MICU3: variants seen among roughly 807,000 people sequenced by gnomAD.
MICU3 encodes the protein mitochondrial calcium uptake 3.
Under a neutral mutation model 66.5 loss-of-function variants are expected in MICU3, and 62 were observed. The ratio of observed to expected loss-of-function variants is 0.93; its 90% confidence interval spans 0.76 to 1.15. The LOEUF (loss-of-function observed/expected upper bound fraction) is 1.15, where lower values mean the gene tolerates loss of function less well. Among genes scored for constraint, MICU3 ranks in the 50% most tolerant of loss-of-function variants. The pLI, the probability that MICU3 is intolerant of heterozygous loss-of-function variation, is 0.00. For missense variants in MICU3, 779 were observed against 664.4 expected (o/e 1.17, Z -1.90); for synonymous variants, 308 against 240.7 (o/e 1.28, Z -2.59).
the MICU3 span, among the ~76,000 whole-genome samples, chr8:17,128,259 C>T: frequency 1.2e-4 from 18 of 151,066 alleles, no homozygotes; most frequent in Non-Finnish European, 1.5e-4. Flanking sequence ...CACACACACA[C>T]ACACACACAC....
chr8:17,049,833 C>G (rs1815758745), intron 1 of MICU3, among the ~76,000 whole-genome samples: 1 of 152,176 alleles, frequency 6.6e-6, no homozygotes, highest in Non-Finnish European at 1.5e-5. Context: ...AAAAATAATA[C>G]TCCATTCCAA....
At chr8:17,081,440 G>A (rs543075344) in intron 4 of MICU3, among the ~76,000 whole-genome samples, 7 of 152,048 alleles carry the variant, frequency 4.6e-5, no homozygotes, top group South Asian at 4.1e-4. Context: ...ACTGCTATAC[G>A]TATGCATTAT....
intron 1 of MICU3, among the ~76,000 whole-genome samples, chr8:17,028,128 C>G (rs1461664681): frequency 1.3e-5 from 2 of 152,040 alleles, no homozygotes; most frequent in Non-Finnish European, 2.9e-5. Context: ...TTTATTAGTC[C>G]CAAGAAAGGA....
At chr8:17,029,616 C>G (rs1335409186) in intron 1 of MICU3, among the ~76,000 whole-genome samples, 2 of 152,138 alleles carry the variant, frequency 1.3e-5, no homozygotes, top group East Asian at 3.9e-4. Flanking sequence ...CTTCCCTAGC[C>G]TCTAGTCCTA....
At chr8:17,062,913 T>G (rs1818072781) in intron 1 of MICU3, among the ~76,000 whole-genome samples, 1 of 152,004 alleles carries the variant, frequency 6.6e-6, no homozygotes, top group African/African-American at 2.4e-5. Context: ...GAAGAACTGT[T>G]ATGGATATTT....
At chr8:17,126,563 T>G (rs766519211), downstream of MICU3, among the ~76,000 whole-genome samples, 2 of 152,204 alleles carry the variant, frequency 1.3e-5, no homozygotes, top group Admixed American at 6.5e-5. Flanking sequence ...GGGGCGTGGT[T>G]ATATTTAATG....
At chr8:17,048,693 G>A (rs767119460) in intron 1 of MICU3, among the ~76,000 whole-genome samples, 1 of 152,132 alleles carries the variant, frequency 6.6e-6, no homozygotes, top group Non-Finnish European at 1.5e-5. Context: ...ACCCCTCACT[G>A]CAGCCCCAAC....
rs17124070 is a variant in MICU3, at chr8:17,077,012, T to G, written c.568-771T>G. Among the ~76,000 whole-genome samples the G allele has an allele frequency of 5.3e-4, 80 of 152,244 alleles. 1 individual carries two copies. Among genetic ancestry groups the G allele is most frequent in the African/African-American group, 1.9e-3 (77 of 41,472 alleles). On this transcript the variant is annotated intron_variant, in intron 3 of 14. Transcript: ENST00000318063. ...CAATTAATCAAATTATAGTTTTCAC[T>G]TAGTCGTTTTTAACAGACTATACAC...
rs1017890430 is a variant in MICU3 at position 17,098,541 on chromosome 8, A to G, written c.972A>G (p.Ser324=). 1.2e-6 allele frequency: 2 copies of G among 1,607,414 alleles called. No homozygotes were observed. The highest frequency in any genetic ancestry group is 1.7e-5 in the Admixed American group (1 of 59,824). Residue 324 remains serine, a synonymous_variant, in exon 9 of 15, where the codon TCA becomes TCG. Transcript: ENST00000318063. Reference sequence around the variant, plus strand: ...GTAACACAAGCCAAGCACTGTTTTCAGACCTCGCAGAGGTATAATTAAACC... The same window carrying G: ...GTAACACAAGCCAAGCACTGTTTTCGGACCTCGCAGAGGTATAATTAAACC... ...LRRNTSQALF[S]DLAERADDIT... is the part of the protein sequence containing the mutation.
Position 17,081,576 on chromosome 8 carries a change from G to A in MICU3, c.647-117G>A, listed in dbSNP as rs956739505. On this transcript the variant is annotated intron_variant, in intron 4 of 14. Transcript: ENST00000318063. Reference sequence around the variant, plus strand: ...TCTTTTGTTATGATTTTATAATAATGATTGTCATTTAAAATAATATCTAGC... The same window carrying A: ...TCTTTTGTTATGATTTTATAATAATAATTGTCATTTAAAATAATATCTAGC... 1.7e-5 allele frequency: 6 copies of A among 347,848 alleles called. 1 individual carries two copies. The South Asian group carries it at 3.1e-4, about 18-fold the overall frequency. The allele number at this position is 347,848 out of a possible 1,614,324, so 21.5% of individuals were successfully genotyped here. A position where few individuals can be genotyped will look rare whatever the true frequency, so the allele number is the denominator to read the frequency against.
At chr8:17,056,280 C>G (rs920209222) in intron 1 of MICU3, among the ~76,000 whole-genome samples, 1 of 152,178 alleles carries the variant, frequency 6.6e-6, no homozygotes, top group African/African-American at 2.4e-5. Context: ...TTGCCTGCTG[C>G]TTGAACCTCT....
intron 1 of MICU3, among the ~76,000 whole-genome samples, chr8:17,050,299 T>C (rs1815841235): frequency 6.6e-6 from 1 of 151,856 alleles, no homozygotes; most frequent in Non-Finnish European, 1.5e-5. Flanking sequence ...TTAAAAATAA[T>C]ATGTCCTTCT....
At chr8:17,130,787 G>A in the MICU3 span, among the ~76,000 whole-genome samples, 1 of 152,026 alleles carries the variant, frequency 6.6e-6, no homozygotes, top group Admixed American at 6.6e-5. Context: ...AAAAAAATGG[G>A]TACAACAAAT....
At chr8:17,110,105 G>C (rs1014098458) in intron 11 of MICU3, among the ~76,000 whole-genome samples, 1 of 152,128 alleles carries the variant, frequency 6.6e-6, no homozygotes, top group Non-Finnish European at 1.5e-5. Flanking sequence ...ATTTTGTGCT[G>C]AAAACAAACA....
the MICU3 span, among the ~76,000 whole-genome samples, chr8:17,138,244 A>G: frequency 2.0e-5 from 3 of 152,112 alleles, no homozygotes; most frequent in South Asian, 2.1e-4. Flanking sequence ...AGAGGTTTGC[A>G]TTAAAAAGGG....
chr8:17,104,630 A>G (rs73194734), intron 10 of MICU3, 139 bp downstream of exon 10: 4,729 of 414,546 alleles, frequency 0.011, 42 homozygotes, highest in Non-Finnish European at 0.015. Context: ...ATAAATACCC[A>G]CATTTATCAG....
chr8:17,136,373 C>T, the MICU3 span, among the ~76,000 whole-genome samples: 2 of 152,066 alleles, frequency 1.3e-5, no homozygotes, highest in Admixed American at 1.3e-4. Flanking sequence ...GGGTTAAATA[C>T]GAAGTCCCTT....
At chr8:17,051,662 C>T (rs1036931210) in intron 1 of MICU3, among the ~76,000 whole-genome samples, 1 of 152,150 alleles carries the variant, frequency 6.6e-6, no homozygotes, top group African/African-American at 2.4e-5. Flanking sequence ...AAATGAGCCA[C>T]CAACTGTGTC....
chr8:17,100,729 A>G (rs773869674), intron 9 of MICU3, among the ~76,000 whole-genome samples: 21 of 151,864 alleles, frequency 1.4e-4, no homozygotes, highest in Non-Finnish European at 2.1e-4. Context: ...AAATTACAGT[A>G]AAACTCCGTG....
Sources: gnomAD v4.1 joint callset for allele counts (sites outside exome capture counted in the v4.1 genomes callset) on GRCh38, gnomAD v4.1.1 for gene constraint, MANE v1.5 for transcripts, NCBI Gene and HGNC (gene_info 2026-07-23, HGNC 2026-07-21) for gene names.